FARSB: variants seen among roughly 807,000 people sequenced by gnomAD.
FARSB encodes phenylalanine--tRNA ligase beta subunit.
A neutral mutation model predicts 69.6 loss-of-function variants in FARSB; 40 were observed. The observed-to-expected ratio is 0.57, with a 90% CI of 0.45 to 0.75. The LOEUF is 0.75. FARSB is among the 30% of genes least tolerant of loss of function. The pLI, the probability that FARSB is intolerant of heterozygous loss-of-function variation, is 0.00. For missense variants in FARSB, 632 were observed against 722.9 expected, an observed-to-expected ratio of 0.87 and a Z score of 1.44; for synonymous variants, 235 against 247.2, an observed-to-expected ratio of 0.95 and a Z score of 0.46.
At chr2:222,576,460 A>G (rs1486403662) in intron 16 of FARSB, among the ~76,000 whole-genome samples, 2 of 152,172 alleles carry the variant, frequency 1.3e-5, no homozygotes, top group East Asian at 3.9e-4. Context: ...AACTATCATC[A>G]TGAGTTTTAA....
At chr2:222,646,942 G>A (rs1574954856) in intron 2 of FARSB, among the ~76,000 whole-genome samples, 2 of 152,200 alleles carry the variant, frequency 1.3e-5, no homozygotes, top group East Asian at 1.9e-4. Flanking sequence ...CAAACACAGC[G>A]ATGCTGGTGA....
At chr2:222,626,890 GC>G (rs1355986796) in intron 10 of FARSB, among the ~76,000 whole-genome samples, 5 of 152,068 alleles carry the variant, frequency 3.3e-5, no homozygotes, top group African/African-American at 1.2e-4. Flanking sequence ...AAAAAAATTA[GC>G]CGGGCGTGGT....
intron 10 of FARSB, among the ~76,000 whole-genome samples, chr2:222,625,630 G>A (rs1232723193): frequency 6.6e-6 from 1 of 152,198 alleles, no homozygotes; most frequent in African/African-American, 2.4e-5. Flanking sequence ...TGATGAGAAT[G>A]CACTGCAGGG....
In FARSB at chr2:222,582,721, C is replaced by G. The variant is rs1018914291; in HGVS notation, c.1619-10699G>C. On this transcript the variant is annotated intron_variant, in intron 16 of 16. Coordinates refer to ENST00000281828, the MANE Select transcript of FARSB (RefSeq NM_005687.5). Reference sequence around the variant, plus strand: ...AGGCAGATCACTTGAGGTCAGGAGTCAAGACCAGCCTGGCCAACATGACGA... The same window carrying G: ...AGGCAGATCACTTGAGGTCAGGAGTGAAGACCAGCCTGGCCAACATGACGA... Among the ~76,000 whole-genome samples, 116 of 152,084 alleles carry G rather than the reference C, an allele frequency of 7.6e-4. 1 individual carries two copies. The highest frequency in any genetic ancestry group is 2.7e-3 in the African/African-American group (110 of 41,508).
Position 222,570,513 on chromosome 2 carries a change from T to C in FARSB, c.*1358A>G, listed in dbSNP as rs896125713. On this transcript the variant is annotated 3_prime_UTR_variant, in exon 17 of 17. Transcript: ENST00000281828. ...AACATAATTCTTATTTCACTATCTT[T>C]GTTAGCTACTTCTTCTTTTTTTTTT... 7.2e-5 allele frequency: 11 copies of C among 152,026 alleles called. No individual in the cohort carries two copies. Among genetic ancestry groups the C allele is most frequent in the Middle Eastern group, 3.4e-3 (1 of 294 alleles). The allele number at this position is 152,026 out of a possible 1,614,324, so 9.4% of individuals were successfully genotyped here.
intron 3 of FARSB, among the ~76,000 whole-genome samples, chr2:222,642,214 T>G (rs1018275773): frequency 3.3e-5 from 5 of 152,214 alleles, no homozygotes; most frequent in Non-Finnish European, 5.9e-5. Flanking sequence ...TTGGCCAGGC[T>G]GGTCTTGAAC....
At chr2:222,647,932 TG>T (rs1691912763) in intron 2 of FARSB, among the ~76,000 whole-genome samples, 1 of 152,184 alleles carries the variant, frequency 6.6e-6, no homozygotes, top group Admixed American at 6.5e-5. Flanking sequence ...AAAGGTTGCT[TG>T]GGCCACATCC....
chr2:222,632,972 C>A (rs1369106777), intron 7 of FARSB, among the ~76,000 whole-genome samples: 2 of 152,022 alleles, frequency 1.3e-5, no homozygotes, highest in African/African-American at 4.8e-5. Flanking sequence ...CAAAACCTAG[C>A]ATCAGAAAAT....
Position 222,619,708 on chromosome 2 carries a change from T to C in FARSB, c.1281A>G (p.Leu427=). 6.2e-7 allele frequency: 1 copy of C among 1,604,326 alleles called. No homozygotes were observed. The highest frequency in any genetic ancestry group is 1.8e-4 in the Middle Eastern group (1 of 5,650). The change falls in exon 14 of 17, where the codon CTA becomes CTG. Residue 427 remains leucine, a synonymous_variant. Transcript: ENST00000281828. ...LCSQEDIADK[L]GVDISATKAV... ...CCTTTGTTGCAGAGATATCCACACC[T>C]AGTTTATCAGCAATATCTTCTTGGG...
intron 1 of FARSB, among the ~76,000 whole-genome samples, chr2:222,653,208 C>T (rs766696235): frequency 1.2e-4 from 19 of 152,178 alleles, no homozygotes; most frequent in Non-Finnish European, 1.0e-4. Context: ...GACAAAACTG[C>T]TCCAAAGGAG....
At chr2:222,606,017 A>C (rs2106203301) in intron 15 of FARSB, among the ~76,000 whole-genome samples, 1 of 152,354 alleles carries the variant, frequency 6.6e-6, no homozygotes. Context: ...ACATACAATA[A>C]TGAACTATAT....
At position 222,624,874 on chromosome 2, in the gene FARSB, G is replaced by A. The variant is rs1056580878; in HGVS notation, c.901-99C>T. ...TATTGCAGTTCTATTACGTTCCCAA[G>A]AAATTGTCATTAGAGCCACACATTG... On this transcript the variant is annotated intron_variant, in intron 10 of 16. Coordinates refer to ENST00000281828, the MANE Select transcript of FARSB (RefSeq NM_005687.5). 8.8e-6 allele frequency: 6 copies of A among 683,448 alleles called. No homozygotes were observed. The African/African-American group carries it at 1.1e-4, about 12-fold the overall frequency. 42.3% of individuals were successfully genotyped at this position (683,448 alleles called of 1,614,324 possible).
chr2:222,615,038 A>C (rs1399688138), intron 14 of FARSB, among the ~76,000 whole-genome samples: 7 of 152,198 alleles, frequency 4.6e-5, no homozygotes, highest in Non-Finnish European at 8.8e-5. Context: ...AATGTGAAAG[A>C]AAGCATGTAC....
At position 222,570,165 on chromosome 2, in the gene FARSB, CAT is replaced by C. The variant is rs1483214148; in HGVS notation, c.*1704_*1705del. 3.3e-5 allele frequency among the ~76,000 whole-genome samples: 5 copies of C among 152,178 alleles called. No individual in the cohort carries two copies. Among genetic ancestry groups the C allele is most frequent in the African/African-American group, 1.2e-4 (5 of 41,454 alleles). The stretch of plus-strand genomic sequence containing the variant: ...TTGAGGATCTTTTCAAGTGCTCATT[CAT>C]ATGTCATCTTTTGGGAAATGTTTGC... On this transcript the variant is annotated 3_prime_UTR_variant, in exon 17 of 17. Transcript: ENST00000281828.
chr2:222,593,397 T>C (rs1690327934), intron 16 of FARSB, among the ~76,000 whole-genome samples: 1 of 152,198 alleles, frequency 6.6e-6, no homozygotes, highest in South Asian at 2.1e-4. Flanking sequence ...TGGCAGCAGA[T>C]GGCTGTGATT....
intron 9 of FARSB, among the ~76,000 whole-genome samples, chr2:222,629,426 G>A (rs939743563): frequency 1.3e-5 from 2 of 152,010 alleles, no homozygotes; most frequent in Admixed American, 6.6e-5. Context: ...TAATCTTACC[G>A]ACATGGGATA....
chr2:222,589,053 G>A (rs551433185), intron 16 of FARSB, among the ~76,000 whole-genome samples: 1 of 152,248 alleles, frequency 6.6e-6, no homozygotes, highest in Admixed American at 6.5e-5. Context: ...GCCTTGCCAA[G>A]ACAATCCTAA....
rs748903723 is a variant in FARSB at position 222,624,362 on chromosome 2, A to T, written c.1080T>A (p.His360Gln). The T allele has an allele frequency of 2.5e-6, 4 of 1,610,634 alleles. No individual in the cohort carries two copies. In the South Asian group the frequency reaches 4.4e-5, roughly 18 times the overall value. ...EIPPTRADII[H>Q]ACDIVEDAAI... ...CTGCATCTTCTACAATATCACATGC[A>T]TGGATAATGTCAGCTCTGGTTGGAG... The change falls in exon 12 of 17, where the codon CAT becomes CAA. Residue 360 changes from histidine (H) to glutamine (Q), a missense_variant. By Grantham distance (24) the His-to-Gln change is conservative. Coordinates refer to ENST00000281828, the MANE Select transcript of FARSB (RefSeq NM_005687.5).
At chr2:222,592,852 A>G (rs1690311632) in intron 16 of FARSB, among the ~76,000 whole-genome samples, 1 of 151,976 alleles carries the variant, frequency 6.6e-6, no homozygotes, top group Non-Finnish European at 1.5e-5. Context: ...AGGGAAATAA[A>G]TCATTCCTAA....
Sources: allele counts gnomAD v4.1 joint callset (sites outside exome capture counted in the v4.1 genomes callset), GRCh38; gene constraint gnomAD v4.1.1; transcripts MANE v1.5; gene names NCBI Gene and HGNC (gene_info 2026-07-23, HGNC 2026-07-21).